The following KDM6A variants were observed in gnomAD, a reference collection of about 807,000 sequenced individuals.
KDM6A encodes lysine demethylase 6A.
KDM6A carries 11 observed loss-of-function variants against 117.6 expected under a neutral mutation model. The ratio of observed to expected loss-of-function variants is 0.09; its 90% confidence interval spans 0.06 to 0.15. KDM6A has a LOEUF of 0.15. Ranked by LOEUF, KDM6A falls within the 10% of genes least tolerant of loss-of-function variation. The pLI is 1.00. For synonymous variants in KDM6A, 384 were observed against 396.1 expected (o/e 0.97, Z 0.36); for missense variants, 799 against 1,077.3 (o/e 0.74, Z 3.62).
At chrX:45,027,796 C>T (rs1250092274) in intron 6 of KDM6A, among the ~76,000 whole-genome samples, 2 of 99,672 alleles carry the variant, frequency 2.0e-5, no homozygotes, top group Admixed American at 1.1e-4. Context: ...TTTTTTGGTA[C>T]TTTTTTTTTT....
intron 5 of KDM6A, among the ~76,000 whole-genome samples, chrX:45,015,784 A>T (rs781770017): frequency 8.9e-6 from 1 of 112,234 alleles, no homozygotes; most frequent in African/African-American, 3.2e-5. Flanking sequence ...GGCAGTTCTG[A>T]TAAAGTTACA....
intron 2 of KDM6A, among the ~76,000 whole-genome samples, chrX:44,945,232 T>G (rs1034263354): frequency 3.6e-5 from 4 of 111,525 alleles, no homozygotes; most frequent in African/African-American, 1.3e-4. Flanking sequence ...CAAGAAGTTT[T>G]CCCATACATG....
At chrX:44,888,270 A>AC (rs1328484408) in intron 2 of KDM6A, among the ~76,000 whole-genome samples, 2 of 112,262 alleles carry the variant, frequency 1.8e-5, no homozygotes, top group Non-Finnish European at 3.8e-5. Context: ...CTGCCACTGC[A>AC]CTCCAGCCTA....
intron 6 of KDM6A, among the ~76,000 whole-genome samples, chrX:45,034,039 T>C (rs2042709911): frequency 2.7e-5 from 3 of 111,419 alleles, no homozygotes; most frequent in East Asian, 2.8e-4. Flanking sequence ...TTACTTTTAA[T>C]GCTAAAAATT....
At chrX:45,042,168 G>A (rs2043267689) in intron 8 of KDM6A, among the ~76,000 whole-genome samples, 1 of 105,725 alleles carries the variant, frequency 9.5e-6, no homozygotes, top group Non-Finnish European at 1.9e-5. Flanking sequence ...AGGAGAATCA[G>A]GCAGGGAGGT....
intron 2 of KDM6A, among the ~76,000 whole-genome samples, chrX:44,926,060 C>G (rs2036285080): frequency 9.5e-6 from 1 of 105,706 alleles, no homozygotes; most frequent in South Asian, 4.6e-4. Context: ...AGGATCTTTC[C>G]CTCCCTCCCT....
At chrX:45,047,574 TTTG>T (rs896355795) in intron 8 of KDM6A, among the ~76,000 whole-genome samples, 1 of 108,625 alleles carries the variant, frequency 9.2e-6, no homozygotes, top group Non-Finnish European at 1.9e-5. Flanking sequence ...GGAATTTCCT[TTTG>T]TTTCTCTTTC....
chrX:45,069,449 T>C, intron 17 of KDM6A, 130 bp from the exon 18 acceptor site: 1 of 626,872 alleles, frequency 1.6e-6, no homozygotes, highest in Non-Finnish European at 2.4e-6. Context: ...TTGATAACTT[T>C]AGGACTTGGG....
At chrX:45,035,247 T>C (rs2042761578) in intron 7 of KDM6A, among the ~76,000 whole-genome samples, 1 of 112,075 alleles carries the variant, frequency 8.9e-6, no homozygotes, top group African/African-American at 3.2e-5. Context: ...GATTTTTCTC[T>C]GTCGTGTATT....
chrX:45,100,257 T>C lies in KDM6A; in HGVS notation c.4035-7153T>C, dbSNP rs1603029389. Among the ~76,000 whole-genome samples, 7 of 111,519 alleles carry C rather than the reference T, an allele frequency of 6.3e-5. 2 individuals carry two copies. In the Admixed American group the frequency reaches 6.7e-4, roughly 11 times the overall value. On this transcript the variant is annotated intron_variant, in intron 27 of 29. Coordinates refer to ENST00000611820, the MANE Select transcript of KDM6A (RefSeq NM_001291415.2). Reference sequence around the variant, plus strand: ...TGCAGGAGATGAGCTCTGCAGACTGTTGGTACTGATGAGAGTTCCCTGTAG... The same window carrying C: ...TGCAGGAGATGAGCTCTGCAGACTGCTGGTACTGATGAGAGTTCCCTGTAG...
intron 8 of KDM6A, among the ~76,000 whole-genome samples, chrX:45,048,018 C>T (rs1295499960): frequency 9.3e-6 from 1 of 107,876 alleles, no homozygotes; most frequent in East Asian, 2.9e-4. Flanking sequence ...AAAGATTAGC[C>T]AAGTGTGATG....
At chrX:44,876,895 A>G (rs1010792263) in intron 2 of KDM6A, among the ~76,000 whole-genome samples, 17 of 110,628 alleles carry the variant, frequency 1.5e-4, no homozygotes, top group Non-Finnish European at 2.3e-4. Context: ...ACATATATAC[A>G]CACGTATACA....
chrX:45,076,959 C>A, intron 19 of KDM6A, 133 bp downstream of exon 19: 1 of 528,932 alleles, frequency 1.9e-6, no homozygotes, highest in Non-Finnish European at 3.1e-6. Context: ...AGTTTGGGGG[C>A]GGGGGGGAAG....
rs760563617 is a variant in KDM6A, at chrX:45,107,545, T to G, written c.4161+9T>G. 1.2e-5 allele frequency: 14 copies of G among 1,197,473 alleles called. No individual in the cohort carries two copies. The South Asian group carries it at 1.2e-4, about 11-fold the overall frequency. On this transcript the variant is annotated intron_variant, in intron 28 of 29. Coordinates refer to ENST00000611820, the MANE Select transcript of KDM6A (RefSeq NM_001291415.2). Reference sequence around the variant, plus strand: ...ACTGTAGCATTTGTGAAGTAAGTAATTGTTTTTATCCACAGTTGTTTTATA... The same window carrying G: ...ACTGTAGCATTTGTGAAGTAAGTAAGTGTTTTTATCCACAGTTGTTTTATA...
intron 2 of KDM6A, among the ~76,000 whole-genome samples, chrX:44,953,706 A>G (rs963627241): frequency 3.6e-5 from 4 of 111,871 alleles, no homozygotes; most frequent in African/African-American, 1.3e-4. Context: ...GTGGTGATAA[A>G]TAGACTTTCA....
intron 4 of KDM6A, 146 bp from the exon 5 acceptor site, chrX:45,010,815 G>C (rs2041720800): frequency 4.5e-6 from 2 of 445,305 alleles, no homozygotes; most frequent in East Asian, 7.7e-5. Context: ...TCTGATCACT[G>C]TTATTTTGGT....
Position 45,082,629 on chromosome X carries a change from A to G in KDM6A, c.3354A>G (p.Thr1118=), listed in dbSNP as rs727503976. The G allele has an allele frequency of 8.4e-7, 1 of 1,185,012 alleles. No homozygotes were observed. The highest frequency in any genetic ancestry group is 1.7e-5 in the African/African-American group (1 of 57,239). The change falls in exon 22 of 30, where the codon ACA becomes ACG. Residue 1118 remains threonine, a synonymous_variant. Transcript: ENST00000611820. ...AAGACCACTCAGATAGTGAATCTAC[A>G]TCGTCAGATAAGTAAGTCATTTTTA... is the stretch of plus-strand genomic sequence containing the variant. ...HHKDHSDSES[T]SSDNSGRRRK...
intron 2 of KDM6A, among the ~76,000 whole-genome samples, chrX:44,876,379 T>C (rs907543122): frequency 3.6e-5 from 4 of 111,751 alleles, no homozygotes; most frequent in African/African-American, 1.3e-4. Flanking sequence ...GTAGGAAGTC[T>C]TGAATTATTT....
intron 19 of KDM6A, 123 bp downstream of exon 19, chrX:45,076,949 A>C: frequency 1.6e-6 from 1 of 615,799 alleles, no homozygotes. Flanking sequence ...CAGATTAAAT[A>C]GTTTGGGGGC....
Sources: allele counts gnomAD v4.1 joint callset (sites outside exome capture counted in the v4.1 genomes callset), GRCh38; gene constraint gnomAD v4.1.1; transcripts MANE v1.5; gene names NCBI Gene and HGNC (gene_info 2026-07-23, HGNC 2026-07-21).